Variants in RYR3 observed in about 807,000 individuals in gnomAD.
RYR3 encodes the protein brain ryanodine receptor-calcium release channel.
A neutral mutation model predicts 584.3 loss-of-function variants in RYR3; 207 were observed. The observed-to-expected ratio is 0.35, with a 90% CI of 0.32 to 0.40. The LOEUF (loss-of-function observed/expected upper bound fraction) is 0.40. RYR3 is among the 10% of genes least tolerant of loss of function. RYR3 has a pLI of 1.00. For synonymous variants in RYR3, 2,416 were observed against 2,248.5 expected (o/e 1.07, Z -2.11); for missense variants, 5,616 against 6,089.2 (o/e 0.92, Z 2.59).
At chr15:33,770,507 T>G (rs959784955) in intron 62 of RYR3, among the ~76,000 whole-genome samples, 1 of 152,128 alleles carries the variant, frequency 6.6e-6, no homozygotes, top group Non-Finnish European at 1.5e-5. Flanking sequence ...ATCCCAGCAC[T>G]TTGGGAGGCA....
chr15:33,548,115 C>T lies in RYR3; in HGVS notation c.741-15C>T, dbSNP rs776677950. 6 of 1,604,068 alleles carry T rather than the reference C, an allele frequency of 3.7e-6. No individual in the cohort carries two copies. Among genetic ancestry groups the T allele is most frequent in the Non-Finnish European group, 5.1e-6 (6 of 1,172,876 alleles). On this transcript the variant is annotated splice_polypyrimidine_tract_variant and intron_variant, in intron 8 of 103. Transcript: ENST00000634891. ...TGTCATGCAAGTAGGAGCTGATCTC[C>T]AACTCTGCTCACAGGAGGATATTCT...
chr15:33,590,299 C>T (rs758745047), intron 16 of RYR3, among the ~76,000 whole-genome samples: 19 of 152,128 alleles, frequency 1.2e-4, no homozygotes, highest in Non-Finnish European at 2.4e-4. Flanking sequence ...TCAGGGGATA[C>T]GTTGGCTTAG....
At chr15:33,858,191 G>A (rs1458738753) in intron 99 of RYR3, 8 of 372,250 alleles carry the variant, frequency 2.1e-5, no homozygotes, top group Admixed American at 8.4e-5. Context: ...TCTATTTCCG[G>A]GGTAAAGATG....
chr15:33,827,581 C>A (rs1347037807), intron 85 of RYR3, among the ~76,000 whole-genome samples: 1 of 152,088 alleles, frequency 6.6e-6, no homozygotes, highest in African/African-American at 2.4e-5. Flanking sequence ...ATAACACAAC[C>A]AAGAGCTCTA....
chr15:33,435,772 A>T (rs1596127241), intron 1 of RYR3, among the ~76,000 whole-genome samples: 1 of 152,180 alleles, frequency 6.6e-6, no homozygotes, highest in South Asian at 2.1e-4. Flanking sequence ...GCAGTGTTAC[A>T]GCTCTTAAAG....
intron 1 of RYR3, among the ~76,000 whole-genome samples, chr15:33,468,205 A>T (rs77109429): frequency 0.022 from 3,367 of 152,306 alleles, 128 homozygotes; most frequent in African/African-American, 0.077. Flanking sequence ...CCTACCTGAC[A>T]GGATGATTGA....
intron 7 of RYR3, among the ~76,000 whole-genome samples, chr15:33,541,832 C>A (rs2055846599): frequency 6.6e-6 from 1 of 152,094 alleles, no homozygotes; most frequent in Admixed American, 6.6e-5. Context: ...ATGTGTTTAG[C>A]CCTCTTCCTT....
intron 1 of RYR3, among the ~76,000 whole-genome samples, chr15:33,356,040 G>A (rs904674455): frequency 6.6e-6 from 1 of 152,030 alleles, no homozygotes; most frequent in Non-Finnish European, 1.5e-5. Context: ...GATGGATGGC[G>A]GGGGGTTCTC....
intron 1 of RYR3, among the ~76,000 whole-genome samples, chr15:33,437,458 T>C (rs773158743): frequency 1.3e-5 from 2 of 152,252 alleles, no homozygotes; most frequent in Non-Finnish European, 2.9e-5. Flanking sequence ...CTTTTAGTTT[T>C]TCAGGAAGGG....
At chr15:33,344,822 G>T (rs1300065040) in intron 1 of RYR3, among the ~76,000 whole-genome samples, 1 of 152,102 alleles carries the variant, frequency 6.6e-6, no homozygotes, top group Non-Finnish European at 1.5e-5. Context: ...AAATTAAGAG[G>T]CCAAGACTGA....
chr15:33,550,051 C>T, intron 9 of RYR3, 109 bp from the exon 10 acceptor site: 1 of 1,154,372 alleles, frequency 8.7e-7, no homozygotes, highest in Non-Finnish European at 1.2e-6. Flanking sequence ...TAAGGATGGA[C>T]ACCAGAAGGG....
At chr15:33,422,671 C>T (rs1229868865) in intron 1 of RYR3, among the ~76,000 whole-genome samples, 1 of 152,110 alleles carries the variant, frequency 6.6e-6, no homozygotes, top group African/African-American at 2.4e-5. Context: ...GAACCTCGCA[C>T]ATCCTGGGAC....
chr15:33,486,243 G>C (rs747918245), intron 2 of RYR3, among the ~76,000 whole-genome samples: 15 of 152,158 alleles, frequency 9.9e-5, no homozygotes, highest in Non-Finnish European at 1.5e-4. Flanking sequence ...GGCTAGAATT[G>C]GAAATCAAGG....
At chr15:33,517,445 A>G (rs1223229960) in intron 3 of RYR3, among the ~76,000 whole-genome samples, 1 of 152,268 alleles carries the variant, frequency 6.6e-6, no homozygotes, top group Non-Finnish European at 1.5e-5. Flanking sequence ...AATGTACATT[A>G]CAATGACCAT....
chr15:33,603,928 C>T (rs547802277), intron 18 of RYR3, among the ~76,000 whole-genome samples: 6 of 152,292 alleles, frequency 3.9e-5, no homozygotes, highest in Admixed American at 6.5e-5. Flanking sequence ...CCTTTTTAAA[C>T]GAATTCAGGG....
At chr15:33,557,787 G>A (rs906201934) in intron 10 of RYR3, among the ~76,000 whole-genome samples, 1 of 152,116 alleles carries the variant, frequency 6.6e-6, no homozygotes, top group African/African-American at 2.4e-5. Flanking sequence ...TAAACCAGTC[G>A]TAGCAATTTG....
At chr15:33,423,266 G>C (rs35232564) in intron 1 of RYR3, among the ~76,000 whole-genome samples, 12,419 of 152,152 alleles carry the variant, frequency 0.082, 978 homozygotes, top group East Asian at 0.44. Context: ...TTGTCTTTCT[G>C]TGTCTGACTT....
At position 33,631,296 on chromosome 15, in the gene RYR3, A is replaced by T. The variant is rs561947889; in HGVS notation, c.2867+3A>T. On this transcript the variant is annotated splice_donor_region_variant and intron_variant, in intron 23 of 103. Transcript: ENST00000634891. Reference sequence around the variant, plus strand: ...AAGAAGGTCAAACTGCCCAAAAAGTAGGTGATTTTTTTTTTAATGGTTCAA... The same window carrying T: ...AAGAAGGTCAAACTGCCCAAAAAGTTGGTGATTTTTTTTTTAATGGTTCAA... The T allele has an allele frequency of 8.9e-6, 14 of 1,566,310 alleles. No individual in the cohort carries two copies. In the East Asian group the frequency reaches 2.8e-4, roughly 31 times the overall value.
chr15:33,763,125 G>A lies in RYR3; in HGVS notation c.8705+5529G>A, dbSNP rs1359213647. ...CTTATACAGAAATTAGCTCAAGATG[G>A]ATTAAAGACTTAAACATAAGACCTA... On this transcript the variant is annotated intron_variant, in intron 60 of 103. Coordinates refer to ENST00000634891, the MANE Select transcript of RYR3 (RefSeq NM_001036.6). 2.0e-5 allele frequency among the ~76,000 whole-genome samples: 3 copies of A among 152,236 alleles called. No homozygotes were observed. The East Asian group carries it at 5.8e-4, about 29-fold the overall frequency.
Sources: gnomAD v4.1 joint callset for allele counts (sites outside exome capture counted in the v4.1 genomes callset) on GRCh38, gnomAD v4.1.1 for gene constraint, MANE v1.5 for transcripts, NCBI Gene and HGNC (gene_info 2026-07-23, HGNC 2026-07-21) for gene names.